GPR21: variants seen among roughly 807,000 people sequenced by gnomAD.
GPR21 encodes the protein probable G protein-coupled receptor 21.
In GPR21, 9 loss-of-function variants were observed where a neutral mutation model predicts 21.5. That is an observed-to-expected ratio of 0.42 (90% CI 0.25 to 0.73). The LOEUF (loss-of-function observed/expected upper bound fraction) is 0.73, where lower values mean the gene tolerates loss of function less well. GPR21 is among the 30% of genes least tolerant of loss of function. The pLI is 0.27. For synonymous variants in GPR21, 169 were observed against 159.3 expected (o/e 1.06, Z -0.46); for missense variants, 416 against 428.9 (o/e 0.97, Z 0.27).
At chr9:123,040,722 C>T in the GPR21 span, among the ~76,000 whole-genome samples, 2 of 152,104 alleles carry the variant, frequency 1.3e-5, no homozygotes, top group Admixed American at 6.6e-5. Context: ...GGGAGCCGCT[C>T]ATCTTAGTTT....
chr9:123,041,145 A>G, the GPR21 span, among the ~76,000 whole-genome samples: 15 of 152,148 alleles, frequency 9.9e-5, no homozygotes, highest in Admixed American at 8.5e-4. Flanking sequence ...TTTCAGGAGA[A>G]TTTTATAAAC....
chr9:123,035,312 G>A lies in GPR21; in HGVS notation c.746G>A (p.Arg249His), dbSNP rs770473320. ...GAAGTGCAGGCCTGTCCTGATAAGCGCTATGCCATGGTCCTGTTTCGAATC... is the reference window on the plus strand; with the variant it reads ...GAAGTGCAGGCCTGTCCTGATAAGCACTATGCCATGGTCCTGTTTCGAATC... ...TGEVQACPDK[R>H]YAMVLFRITS... The change falls in exon 2 of 2, where the codon CGC becomes CAC. Residue 249 changes from arginine (R) to histidine (H), a missense_variant. Arg to His is a conservative substitution (Grantham distance 29). Coordinates refer to ENST00000616002, the MANE Select transcript of GPR21 (RefSeq NM_005294.3). 1.2e-5 allele frequency: 20 copies of A among 1,614,012 alleles called. No individual in the cohort carries two copies. The highest frequency in any genetic ancestry group is 5.5e-5 in the South Asian group (5 of 91,086).
downstream of GPR21, among the ~76,000 whole-genome samples, chr9:123,039,329 AG>A (rs2032834909): frequency 6.6e-6 from 1 of 152,170 alleles, no homozygotes; most frequent in African/African-American, 2.4e-5. Flanking sequence ...TCTGAAGGCA[AG>A]GGACAGTGTC....
chr9:123,035,324 T>C lies in GPR21; in HGVS notation c.758T>C (p.Val253Ala), dbSNP rs770181147. 8 of 1,614,060 alleles carry C rather than the reference T, an allele frequency of 5.0e-6. No individual in the cohort carries two copies. The African/African-American group carries it at 1.1e-4, about 22-fold the overall frequency. The change falls in exon 2 of 2, where the codon GTC (valine) becomes GCC (alanine). Residue 253 changes from valine to alanine, a missense_variant. By Grantham distance (64) the Val-to-Ala change is moderately conservative (BLOSUM62 0). Coordinates refer to ENST00000616002, the MANE Select transcript of GPR21 (RefSeq NM_005294.3). The stretch of plus-strand genomic sequence containing the variant: ...TGTCCTGATAAGCGCTATGCCATGG[T>C]CCTGTTTCGAATCACTAGTGTATTT... Reference protein sequence around the residue: ...QACPDKRYAMVLFRITSVFYI... With the variant: ...QACPDKRYAMALFRITSVFYI...
chr9:123,037,811 T>C (rs867720342), downstream of GPR21, among the ~76,000 whole-genome samples: 3 of 152,150 alleles, frequency 2.0e-5, no homozygotes, highest in Non-Finnish European at 4.4e-5. Flanking sequence ...CTGTGTGATA[T>C]ATTTGGAAAG....
At chr9:123,034,086 G>T (rs1025243169) in intron 1 of GPR21, 85 bp from the exon 2 acceptor site, 2 of 165,518 alleles carry the variant, frequency 1.2e-5, no homozygotes, top group Non-Finnish European at 2.6e-5. Context: ...GAGCGGGAGG[G>T]ATGATGCCAG....
chr9:123,049,029 A>G, the GPR21 span, among the ~76,000 whole-genome samples: 1 of 152,252 alleles, frequency 6.6e-6, no homozygotes, highest in East Asian at 1.9e-4. Context: ...TGGCACTATA[A>G]TGCCATATTT....
downstream of GPR21, among the ~76,000 whole-genome samples, chr9:123,039,467 C>T (rs138257673): frequency 9.9e-5 from 15 of 152,234 alleles, no homozygotes; most frequent in East Asian, 2.7e-3. Flanking sequence ...GTCACACCAG[C>T]CTTCTCCCTT....
the GPR21 span, among the ~76,000 whole-genome samples, chr9:123,047,925 T>TG: frequency 1.8e-5 from 1 of 56,796 alleles, no homozygotes; most frequent in Non-Finnish European, 2.5e-5. Flanking sequence ...CTGGGTTTTT[T>TG]TTTTTTTTTT....
chr9:123,043,799 G>A, the GPR21 span, among the ~76,000 whole-genome samples: 3 of 151,918 alleles, frequency 2.0e-5, no homozygotes, highest in African/African-American at 7.3e-5. Flanking sequence ...AAGGAGAGGT[G>A]AAAATGGTTG....
chr9:123,035,066 A>G lies in GPR21; in HGVS notation c.500A>G (p.His167Arg), dbSNP rs1450864601. Residue 167 changes from histidine (H) to arginine (R), a missense_variant, in exon 2 of 2, where the codon CAC (histidine) becomes CGC (arginine). By Grantham distance (29) the His-to-Arg change is conservative. Coordinates refer to ENST00000616002, the MANE Select transcript of GPR21 (RefSeq NM_005294.3). ...CTGGTCTTCCTGCCTTCCTTTTTCC[A>G]CTGGGGCAAACCTGGATATCATGGA... ...STLVFLPSFF[H>R]WGKPGYHGDV... 1 of 1,613,646 alleles carries G rather than the reference A, an allele frequency of 6.2e-7. No homozygotes were observed. Among genetic ancestry groups the G allele is most frequent in the African/African-American group, 1.3e-5 (1 of 74,782 alleles).
At position 123,035,036 on chromosome 9, in the gene GPR21, C is replaced by T. The variant is rs745739988; in HGVS notation, c.470C>T (p.Ser157Leu). 6.2e-7 allele frequency: 1 copy of T among 1,613,840 alleles called. No homozygotes were observed. Among genetic ancestry groups the T allele is most frequent in the Non-Finnish European group, 8.5e-7 (1 of 1,179,748 alleles). Residue 157 changes from serine to leucine, a missense_variant, in exon 2 of 2, where the codon TCG becomes TTG. By Grantham distance (145) the Ser-to-Leu change is moderately radical. Coordinates refer to ENST00000616002, the MANE Select transcript of GPR21 (RefSeq NM_005294.3). ...RLCIFLIWLYSTLVFLPSFFH... is the reference protein window; with the variant it reads ...RLCIFLIWLYLTLVFLPSFFH... ...TGTATTTTCCTGATTTGGCTATACTCGACCCTGGTCTTCCTGCCTTCCTTT... is the reference window on the plus strand; with the variant it reads ...TGTATTTTCCTGATTTGGCTATACTTGACCCTGGTCTTCCTGCCTTCCTTT...
the GPR21 span, among the ~76,000 whole-genome samples, chr9:123,048,961 G>A: frequency 2.0e-5 from 3 of 152,106 alleles, no homozygotes; most frequent in African/African-American, 4.8e-5. Flanking sequence ...AGCCCTAAAA[G>A]GAAATGAACA....
rs752972324 is a variant in GPR21 at position 123,034,994 on chromosome 9, C to G, written c.428C>G (p.Pro143Arg). 2 of 1,613,404 alleles carry G rather than the reference C, an allele frequency of 1.2e-6. No homozygotes were observed. Among genetic ancestry groups the G allele is most frequent in the African/African-American group, 2.7e-5 (2 of 74,858 alleles). The change falls in exon 2 of 2, where the codon CCC (proline) becomes CGC (arginine). Residue 143 changes from proline (P) to arginine (R), a missense_variant. Transcript: ENST00000616002. ...TTAACCTATAATACTCTGGTTACAC[C>G]CTGGAGACTACGCCTGTGTATTTTC... ...KPLTYNTLVT[P>R]WRLRLCIFLI... is the part of the protein sequence containing the mutation.
In GPR21 at chr9:123,034,327, G is replaced by A. The variant is rs2032485351; in HGVS notation, c.-240G>A. On this transcript the variant is annotated 5_prime_UTR_variant, in exon 2 of 2. The change abolishes an upstream ATG in the 5' untranslated region. Transcript: ENST00000616002. The stretch of plus-strand genomic sequence containing the variant: ...ATGTGTATGGTGAACCTGGCACTAT[G>A]GCCGCGTCTGGGACTGGCCAGACAA... 1.8e-6 allele frequency: 1 copy of A among 541,422 alleles called. No individual in the cohort carries two copies. Among genetic ancestry groups the A allele is most frequent in the Admixed American group, 3.5e-5 (1 of 28,212 alleles). 33.5% of individuals were successfully genotyped at this position (541,422 alleles called of 1,614,324 possible).
downstream of GPR21, chr9:123,035,711 C>G: frequency 1.3e-6 from 1 of 793,204 alleles, no homozygotes; most frequent in Admixed American, 2.6e-5. Context: ...TCCTAATTCA[C>G]TAGGAAATCT....
In GPR21 at chr9:123,035,160, GTTATA is replaced by G. The variant is rs2032556635; in HGVS notation, c.596_600del (p.Leu199CysfsTer47). The G allele has an allele frequency of 6.2e-7, 1 of 1,613,856 alleles. No individual in the cohort carries two copies. Among genetic ancestry groups the G allele is most frequent in the African/African-American group, 1.3e-5 (1 of 74,880 alleles). On this transcript the variant is annotated frameshift_variant, in exon 2 of 2. Coordinates refer to ENST00000616002, the MANE Select transcript of GPR21 (RefSeq NM_005294.3). LOFTEE classifies it high-confidence loss of function. ...ACTTCACCCTGTTCATCGTGATGATGTTATATGCCCCAGCAGCCCTTATTGTCTGC... is the reference window on the plus strand; with the variant it reads ...ACTTCACCCTGTTCATCGTGATGATGTGCCCCAGCAGCCCTTATTGTCTGC...
At chr9:123,043,710 C>A in the GPR21 span, among the ~76,000 whole-genome samples, 1 of 151,568 alleles carries the variant, frequency 6.6e-6, no homozygotes, top group Admixed American at 6.6e-5. Context: ...AAACTGATGT[C>A]TAAAGTGGAA....
At chr9:123,037,525 GTTGTA>G (rs1588312149), downstream of GPR21, among the ~76,000 whole-genome samples, 1 of 152,082 alleles carries the variant, frequency 6.6e-6, no homozygotes, top group Admixed American at 6.6e-5. Context: ...CTGAAAAATG[GTTGTA>G]TTGTATACAT....
Sources: gnomAD v4.1 joint callset for allele counts (sites outside exome capture counted in the v4.1 genomes callset) on GRCh38, gnomAD v4.1.1 for gene constraint, MANE v1.5 for transcripts, NCBI Gene and HGNC (gene_info 2026-07-23, HGNC 2026-07-21) for gene names.